NOA1: variants seen among roughly 807,000 people sequenced by gnomAD.
NOA1 encodes the protein nitric oxide associated 1, also known as nitric oxide-associated protein 1.
A neutral mutation model predicts 58.4 loss-of-function variants in NOA1; 35 were observed. The observed-to-expected ratio is 0.60, with a 90% CI of 0.46 to 0.79. NOA1 has a LOEUF of 0.79. Among genes scored for constraint, NOA1 ranks in the 30% least tolerant of loss-of-function variants. NOA1 has a pLI of 0.00. For missense variants in NOA1, 895 were observed against 894.6 expected (o/e 1.00, Z -0.01); for synonymous variants, 397 against 373.4 (o/e 1.06, Z -0.73).
At chr4:56,963,927 G>C (rs1048554995) in intron 6 of NOA1, among the ~76,000 whole-genome samples, 1 of 151,774 alleles carries the variant, frequency 6.6e-6, no homozygotes. Flanking sequence ...CATACAATGC[G>C]TTTGTGCAAA....
chr4:56,970,855 C>G (rs968673778), intron 3 of NOA1, among the ~76,000 whole-genome samples: 11 of 152,178 alleles, frequency 7.2e-5, no homozygotes, highest in African/African-American at 2.7e-4. Context: ...TGTAAACTAA[C>G]AGAGAAGCAA....
rs1310865551 is a variant in NOA1, at chr4:56,963,786, T to C, written c.1886-125A>G. 6 of 673,208 alleles carry C rather than the reference T, an allele frequency of 8.9e-6. No individual in the cohort carries two copies. The Admixed American group carries it at 9.1e-5, about 10-fold the overall frequency. The allele number at this position is 673,208 out of a possible 1,614,324, so 41.7% of individuals were successfully genotyped here. ...TCTCTTTCACTCTCTTATTATTTTA[T>C]TATTTTTTAAGAAACTGCGTCTTGC... On this transcript the variant is annotated intron_variant, in intron 6 of 6. Coordinates refer to ENST00000264230, the MANE Select transcript of NOA1 (RefSeq NM_032313.4).
At chr4:56,970,539 C>G (rs2109617321) in intron 3 of NOA1, among the ~76,000 whole-genome samples, 1 of 151,892 alleles carries the variant, frequency 6.6e-6, no homozygotes, top group Middle Eastern at 3.4e-3. Flanking sequence ...ACTGCAACCT[C>G]TGCCTCCCAA....
intron 3 of NOA1, 97 bp downstream of exon 3, chr4:56,973,049 CCT>C (rs1721834381): frequency 5.9e-6 from 6 of 1,020,796 alleles, no homozygotes; most frequent in Non-Finnish European, 9.1e-6. Flanking sequence ...TTGCAATTCC[CCT>C]GTCTTGATAA....
Position 56,976,833 on chromosome 4 carries a change from G to A in NOA1, c.753C>T (p.Asp251=). 1 of 1,612,956 alleles carries A rather than the reference G, an allele frequency of 6.2e-7. No individual in the cohort carries two copies. Among genetic ancestry groups the A allele is most frequent in the Non-Finnish European group, 8.5e-7 (1 of 1,179,712 alleles). The stretch of plus-strand genomic sequence containing the variant: ...AGCCAGGAGCATCCTGGGGCAGGAG[G>A]TCCACTTTGTTTCCCAGCACGATCA... The part of the protein sequence containing the change: ...KQLIVLGNKV[D]LLPQDAPGYR... The change falls in exon 1 of 7, where the codon GAC becomes GAT. Residue 251 remains aspartate, a synonymous_variant. Coordinates refer to ENST00000264230, the MANE Select transcript of NOA1 (RefSeq NM_032313.4).
In NOA1 at chr4:56,976,724, G is replaced by T. The variant is rs1425030030; in HGVS notation, c.862C>A (p.Arg288Ser). 6.2e-7 allele frequency: 1 copy of T among 1,612,116 alleles called. No homozygotes were observed. Among genetic ancestry groups the T allele is most frequent in the Non-Finnish European group, 8.5e-7 (1 of 1,179,124 alleles). Residue 288 changes from arginine (R) to serine (S), a missense_variant, in exon 1 of 7, where the codon CGC becomes AGC. Coordinates refer to ENST00000264230, the MANE Select transcript of NOA1 (RefSeq NM_032313.4). ...LLAPGHQGPQ[R>S]PVKDEPQDGE... ...TCCTGTGGCTCGTCCTTGACGGGGCGCTGTGGCCCTTGGTGGCCAGGGGCC... is the reference window on the plus strand; with the variant it reads ...TCCTGTGGCTCGTCCTTGACGGGGCTCTGTGGCCCTTGGTGGCCAGGGGCC...
rs1215159303 is a variant in NOA1, at chr4:56,976,445, G to A, written c.1141C>T (p.Pro381Ser). ...AIDRATISPWPGTTLNLLKFP... is the reference protein window; with the variant it reads ...AIDRATISPWSGTTLNLLKFP... ...GGGCGAGCCTCCTAAAACTCACCTG[G>A]CCAAGGGGAGATGGTGGCTCTGTCG... is the stretch of plus-strand genomic sequence containing the variant. Residue 381 changes from proline to serine, a missense_variant, in exon 1 of 7, where the codon CCA (proline) becomes TCA (serine). By Grantham distance (74) the Pro-to-Ser change is moderately conservative. This residue lies in a region of NOA1 where 680 missense variants were observed against 656.5 expected (regional missense o/e 1.04). Transcript: ENST00000264230. 2 of 1,612,132 alleles carry A rather than the reference G, an allele frequency of 1.2e-6. No individual in the cohort carries two copies. Among genetic ancestry groups the A allele is most frequent in the Non-Finnish European group, 1.7e-6 (2 of 1,178,560 alleles).
At chr4:56,975,601 A>G (rs6840624) in intron 1 of NOA1, among the ~76,000 whole-genome samples, 141,989 of 151,896 alleles carry the variant, frequency 0.93, 66,425 homozygotes, top group East Asian at 0.97. Context: ...AATTAGGCCA[A>G]GCGCGGTGGC....
In NOA1 at chr4:56,973,848, G is replaced by C; in HGVS notation, c.1309+10C>G. 1.2e-6 allele frequency: 2 copies of C among 1,613,352 alleles called. No individual in the cohort carries two copies. The highest frequency in any genetic ancestry group is 1.7e-6 in the Non-Finnish European group (2 of 1,179,548). On this transcript the variant is annotated intron_variant, in intron 2 of 6. Coordinates refer to ENST00000264230, the MANE Select transcript of NOA1 (RefSeq NM_032313.4). ...GTACCAACGAGGGTTTTCCCATAGA[G>C]GATGCTTACCTACGACATAACCATG...
chr4:56,969,657 AG>A (rs1421888982), intron 3 of NOA1, among the ~76,000 whole-genome samples: 18 of 152,346 alleles, frequency 1.2e-4, no homozygotes, highest in African/African-American at 4.3e-4. Flanking sequence ...GGCTGCAGAT[AG>A]TTTTCTTCAT....
intron 3 of NOA1, among the ~76,000 whole-genome samples, chr4:56,971,768 G>A (rs1255143527): frequency 6.6e-6 from 1 of 152,124 alleles, no homozygotes; most frequent in Non-Finnish European, 1.5e-5. Context: ...ATATTTAACA[G>A]AGTAAGATAT....
At chr4:56,972,709 ATG>A (rs777607007) in intron 3 of NOA1, among the ~76,000 whole-genome samples, 2 of 152,172 alleles carry the variant, frequency 1.3e-5, no homozygotes, top group Non-Finnish European at 2.9e-5. Flanking sequence ...AGTGATATTT[ATG>A]TGTTTTTCCA....
Position 56,968,441 on chromosome 4 carries a change from C to T in NOA1, c.1590G>A (p.Val530=). The T allele has an allele frequency of 6.2e-7, 1 of 1,613,022 alleles. No individual in the cohort carries two copies. Among genetic ancestry groups the T allele is most frequent in the South Asian group, 1.1e-5 (1 of 90,624 alleles). Residue 530 remains valine, a synonymous_variant, in exon 4 of 7, where the codon GTG becomes GTA. Coordinates refer to ENST00000264230, the MANE Select transcript of NOA1 (RefSeq NM_032313.4). ...PTQSIVPRTF[V]LKPGMVLFLG... Reference sequence around the variant, plus strand: ...AAAACAGAACCATTCCTGGTTTAAGCACAAAAGTTCTTGGAACAATGGACT... The same window carrying T: ...AAAACAGAACCATTCCTGGTTTAAGTACAAAAGTTCTTGGAACAATGGACT...
Position 56,973,868 on chromosome 4 carries a change from A to G in NOA1, c.1299T>C (p.Gly433=). 1 of 1,614,050 alleles carries G rather than the reference A, an allele frequency of 6.2e-7. No individual in the cohort carries two copies. Among genetic ancestry groups the G allele is most frequent in the Non-Finnish European group, 8.5e-7 (1 of 1,179,990 alleles). ...QNQLNVLKKH[G]YVVGRVGRTF... The stretch of plus-strand genomic sequence containing the variant: ...ATAGAGGATGCTTACCTACGACATA[A>G]CCATGCTTTTTGAGGACATTAAGCT... The change falls in exon 2 of 7, where the codon GGT becomes GGC. Residue 433 remains glycine, a synonymous_variant. Transcript: ENST00000264230.
At chr4:56,971,148 AT>A (rs1721804481) in intron 3 of NOA1, among the ~76,000 whole-genome samples, 1 of 152,030 alleles carries the variant, frequency 6.6e-6, no homozygotes, top group African/African-American at 2.4e-5. Context: ...CCCTGTCTCT[AT>A]TAAAAATACA....
In NOA1 at chr4:56,973,161, G is replaced by T; in HGVS notation, c.1502C>A (p.Thr501Lys). ...AHWFYDTPGI[T>K]KENCILNLLT... is the part of the protein sequence containing the mutation. Reference sequence around the variant, plus strand: ...CCAAATACATACACAATTTTCTTTTGTAATTCCAGGGGTGTCATAAAACCA... The same window carrying T: ...CCAAATACATACACAATTTTCTTTTTTAATTCCAGGGGTGTCATAAAACCA... Residue 501 changes from threonine to lysine, a missense_variant, in exon 3 of 7, where the codon ACA becomes AAA. Physicochemically the swap from Thr to Lys is moderately conservative, Grantham distance 78. This residue lies in a region of NOA1 where 680 missense variants were observed against 656.5 expected (regional missense o/e 1.04). Coordinates refer to ENST00000264230, the MANE Select transcript of NOA1 (RefSeq NM_032313.4). 1 of 1,613,858 alleles carries T rather than the reference G, an allele frequency of 6.2e-7. No homozygotes were observed. The highest frequency in any genetic ancestry group is 8.5e-7 in the Non-Finnish European group (1 of 1,179,794).
At position 56,964,071 on chromosome 4, in the gene NOA1, T is replaced by A. The variant is rs114935625; in HGVS notation, c.1885+335A>T. On this transcript the variant is annotated intron_variant, in intron 6 of 6. Transcript: ENST00000264230. ...CGGTAAGGCTGCTTTATTCACTTTTTGTTTTTTTTTTTTGAGATGGAGTTT... is the reference window on the plus strand; with the variant it reads ...CGGTAAGGCTGCTTTATTCACTTTTAGTTTTTTTTTTTTGAGATGGAGTTT... Among the ~76,000 whole-genome samples the A allele has an allele frequency of 3.2e-3, 488 of 152,054 alleles. 2 individuals carry two copies. The highest frequency in any genetic ancestry group is 0.011 in the African/African-American group (466 of 41,500).
intron 5 of NOA1, 76 bp downstream of exon 5, chr4:56,966,544 G>A (rs1224287528): frequency 2.4e-6 from 2 of 844,900 alleles, no homozygotes; most frequent in Admixed American, 4.3e-5. Context: ...GTACAACAAA[G>A]GCTTTCTTAA....
rs771667466 is a variant in NOA1 at position 56,976,442 on chromosome 4, C to T, written c.1144G>A (p.Gly382Ser). 1 of 1,610,416 alleles carries T rather than the reference C, an allele frequency of 6.2e-7. No homozygotes were observed. The highest frequency in any genetic ancestry group is 1.3e-5 in the African/African-American group (1 of 74,834). ...AGAGGGCGAGCCTCCTAAAACTCAC[C>T]TGGCCAAGGGGAGATGGTGGCTCTG... is the stretch of plus-strand genomic sequence containing the variant. ...IDRATISPWPGTTLNLLKFPI... is the reference protein window; with the variant it reads ...IDRATISPWPSTTLNLLKFPI... The change falls in exon 1 of 7, where the codon GGT becomes AGT. Residue 382 changes from glycine to serine, a missense_variant and splice_region_variant. By Grantham distance (56) the Gly-to-Ser change is moderately conservative. Transcript: ENST00000264230.
Sources: gnomAD v4.1 joint callset for allele counts (sites outside exome capture counted in the v4.1 genomes callset) on GRCh38, gnomAD v4.1.1 for gene constraint, gnomAD v4.1.1 regional missense constraint, MANE v1.5 for transcripts, NCBI Gene and HGNC (gene_info 2026-07-23, HGNC 2026-07-21) for gene names.